CNGB3: variants seen among roughly 807,000 people sequenced by gnomAD.
CNGB3 encodes the protein cyclic nucleotide gated channel subunit beta 3.
A neutral mutation model predicts 92.8 loss-of-function variants in CNGB3; 86 were observed. The ratio of observed to expected loss-of-function variants is 0.93; its 90% CI spans 0.78 to 1.11. The LOEUF (loss-of-function observed/expected upper bound fraction) is 1.11, where lower values mean the gene tolerates loss of function less well. Ranked by LOEUF, CNGB3 falls within the 50% of genes least tolerant of loss-of-function variation. The probability of loss-of-function intolerance (pLI) is 0.00; values close to 1 mark genes in which losing one functional copy is unlikely to be tolerated. For synonymous variants in CNGB3, 333 were observed against 332.7 expected (o/e 1.00, Z -0.01); for missense variants, 1,026 against 956.8 (o/e 1.07, Z -0.95).
At chr8:86,588,919 G>C (rs1485291456) in intron 15 of CNGB3, among the ~76,000 whole-genome samples, 1 of 151,718 alleles carries the variant, frequency 6.6e-6, no homozygotes, top group African/African-American at 2.4e-5. Context: ...AATGGTACCA[G>C]TTCCTCCTTG....
At chr8:86,634,378 T>C (rs1204051146) in intron 10 of CNGB3, among the ~76,000 whole-genome samples, 1 of 152,180 alleles carries the variant, frequency 6.6e-6, no homozygotes, top group Non-Finnish European at 1.5e-5. Flanking sequence ...TAAGCTATGA[T>C]GTTTGGTAGG....
At chr8:86,637,258 C>T (rs954630236) in intron 10 of CNGB3, among the ~76,000 whole-genome samples, 3 of 152,170 alleles carry the variant, frequency 2.0e-5, no homozygotes, top group African/African-American at 7.2e-5. Flanking sequence ...CTTGGACAGG[C>T]AGTTGACCAT....
chr8:86,628,993 T>A lies in CNGB3; in HGVS notation c.1406A>T (p.Tyr469Phe). The A allele has an allele frequency of 3.1e-6, 5 of 1,613,972 alleles. No individual in the cohort carries two copies. Among genetic ancestry groups the A allele is most frequent in the African/African-American group, 1.3e-5 (1 of 75,016 alleles). Reference protein sequence around the residue: ...MDDTIAYMNNYSIPKLVQKRV... With the variant: ...MDDTIAYMNNFSIPKLVQKRV... ...CTTTTGCACAAGTTTAGGAATGGAGTAATTGTTCATGTAGGCAATGGTGTC... is the reference window on the plus strand; with the variant it reads ...CTTTTGCACAAGTTTAGGAATGGAGAAATTGTTCATGTAGGCAATGGTGTC... The change falls in exon 12 of 18, where the codon TAC becomes TTC. Residue 469 changes from tyrosine to phenylalanine, a missense_variant. Tyr to Phe is a conservative substitution (Grantham distance 22). Coordinates refer to ENST00000320005, the MANE Select transcript of CNGB3 (RefSeq NM_019098.5).
At chr8:86,726,834 G>C (rs1009310664) in intron 2 of CNGB3, among the ~76,000 whole-genome samples, 177 bp from the exon 3 acceptor site, 1 of 152,188 alleles carries the variant, frequency 6.6e-6, no homozygotes, top group Non-Finnish European at 1.5e-5. Flanking sequence ...TTAACTGGTA[G>C]ACACCTTCAG....
At chr8:86,629,221 A>G (rs1474648496) in intron 11 of CNGB3, 143 bp from the exon 12 acceptor site, 5 of 1,067,794 alleles carry the variant, frequency 4.7e-6, no homozygotes, top group Non-Finnish European at 7.0e-6. Context: ...TATTTTATTT[A>G]TTCTTGCCCA....
intron 3 of CNGB3, among the ~76,000 whole-genome samples, chr8:86,689,097 T>C (rs1021299478): frequency 3.3e-5 from 5 of 152,034 alleles, no homozygotes. Context: ...TTTCCTCTTG[T>C]TATTGATTGT....
intron 2 of CNGB3, among the ~76,000 whole-genome samples, chr8:86,737,160 G>T (rs904230587): frequency 2.6e-5 from 4 of 152,090 alleles, no homozygotes; most frequent in Non-Finnish European, 5.9e-5. Flanking sequence ...ATTCTAATCT[G>T]CATAGTGAAA....
chr8:86,599,646 A>G (rs1055925798), intron 15 of CNGB3, among the ~76,000 whole-genome samples: 3 of 146,734 alleles, frequency 2.0e-5, no homozygotes, highest in Admixed American at 2.0e-4. Flanking sequence ...TTACGGTCGC[A>G]GCTGTAGGGT....
chr8:86,642,968 C>T (rs1823219722), intron 10 of CNGB3, among the ~76,000 whole-genome samples: 1 of 151,510 alleles, frequency 6.6e-6, no homozygotes, highest in South Asian at 2.1e-4. Flanking sequence ...AAATAATTAA[C>T]ATTGTTCATT....
At chr8:86,641,892 A>C (rs1823195502) in intron 10 of CNGB3, among the ~76,000 whole-genome samples, 1 of 151,900 alleles carries the variant, frequency 6.6e-6, no homozygotes, top group Admixed American at 6.6e-5. Flanking sequence ...TGCATTTTAG[A>C]GAGAGTATCT....
chr8:86,687,977 G>A (rs975556217), intron 3 of CNGB3, among the ~76,000 whole-genome samples: 1 of 151,974 alleles, frequency 6.6e-6, no homozygotes, highest in Non-Finnish European at 1.5e-5. Flanking sequence ...ACAGAATTGT[G>A]TGACATTCAC....
rs1437199402 is a variant in CNGB3, at chr8:86,690,391, C to T, written c.339-19293G>A. Among the ~76,000 whole-genome samples the T allele has an allele frequency of 4.6e-5, 7 of 152,080 alleles. No homozygotes were observed. The East Asian group carries it at 1.3e-3, about 29-fold the overall frequency. ...AGAAGTGTCTGTTCATATCCTTCGC[C>T]CACTTTTTGATGGGGTTGTTTTTTT... On this transcript the variant is annotated intron_variant, in intron 3 of 17. Transcript: ENST00000320005.
intron 3 of CNGB3, among the ~76,000 whole-genome samples, chr8:86,681,773 T>C (rs1176929082): frequency 3.3e-5 from 5 of 152,202 alleles, no homozygotes; most frequent in African/African-American, 9.6e-5. Context: ...AGATTTCTCA[T>C]TGACAACACT....
chr8:86,624,253 T>C (rs1822799378), intron 13 of CNGB3, among the ~76,000 whole-genome samples: 2 of 152,144 alleles, frequency 1.3e-5, no homozygotes, highest in Admixed American at 1.3e-4. Context: ...ACCCCGTCTC[T>C]ACTAAAAATA....
At chr8:86,620,109 G>A (rs911556659) in intron 13 of CNGB3, among the ~76,000 whole-genome samples, 2 of 152,118 alleles carry the variant, frequency 1.3e-5, no homozygotes, top group Non-Finnish European at 1.5e-5. Flanking sequence ...CTGAAGGTAA[G>A]AATGATAGAG....
Position 86,579,167 on chromosome 8 carries a change from TC to T in CNGB3, c.1866del (p.Thr623ProfsTer6). The T allele has an allele frequency of 6.2e-7, 1 of 1,614,154 alleles. No individual in the cohort carries two copies. Among genetic ancestry groups the T allele is most frequent in the Non-Finnish European group, 8.5e-7 (1 of 1,180,036 alleles). On this transcript the variant is annotated frameshift_variant, in exon 16 of 18. Transcript: ENST00000320005. LOFTEE classifies it high-confidence loss of function. ...GFANLLTLDK[K>X]TLQEILVHYP... is the part of the protein sequence containing the mutation. ...TAATGCACTAGAATTTCTTGGAGGG[TC>T]TTTTTGTCTAGAGTTAAAAGATTGG... is the stretch of plus-strand genomic sequence containing the variant.
chr8:86,645,883 C>T (rs1823284679), intron 8 of CNGB3, among the ~76,000 whole-genome samples: 1 of 151,058 alleles, frequency 6.6e-6, no homozygotes. Flanking sequence ...AACTTGGAGA[C>T]ATATAGATGA....
At chr8:86,740,852 G>T (rs866049665) in intron 1 of CNGB3, among the ~76,000 whole-genome samples, 1 of 152,100 alleles carries the variant, frequency 6.6e-6, no homozygotes, top group South Asian at 2.1e-4. Flanking sequence ...AGCTAGAAAG[G>T]TATAAGTCCA....
chr8:86,727,756 T>G (rs1293425101), intron 2 of CNGB3, among the ~76,000 whole-genome samples: 3 of 152,156 alleles, frequency 2.0e-5, no homozygotes, highest in Non-Finnish European at 4.4e-5. Context: ...TTTAATTGGA[T>G]GTCTTGTGCT....
Sources: allele counts gnomAD v4.1 joint callset (sites outside exome capture counted in the v4.1 genomes callset), GRCh38; gene constraint gnomAD v4.1.1; transcripts MANE v1.5; gene names NCBI Gene and HGNC (gene_info 2026-07-23, HGNC 2026-07-21).